The following TRPM7 variants were observed in gnomAD, a reference collection of about 807,000 sequenced individuals.
The protein encoded by TRPM7 is transient receptor potential cation channel subfamily M member 7.
In TRPM7, 134 loss-of-function variants were observed where a neutral mutation model predicts 229.7. That is an observed-to-expected ratio of 0.58 (90% CI 0.51 to 0.67). The LOEUF (loss-of-function observed/expected upper bound fraction) is 0.67. Among genes scored for constraint, TRPM7 ranks in the 30% least tolerant of loss-of-function variants. The pLI is 0.00. For synonymous variants in TRPM7, 699 were observed against 715.2 expected (o/e 0.98, Z 0.36); for missense variants, 1,901 against 2,210.0 (o/e 0.86, Z 2.80).
intron 1 of TRPM7, among the ~76,000 whole-genome samples, chr15:50,663,680 A>T (rs1214249673): frequency 1.3e-5 from 2 of 152,174 alleles, no homozygotes; most frequent in Non-Finnish European, 2.9e-5. Flanking sequence ...TTTAAAAGAC[A>T]ACTAGCTCGG....
At chr15:50,569,804 T>C (rs1390253534) in intron 38 of TRPM7, 83 bp downstream of exon 38, 20 of 782,062 alleles carry the variant, frequency 2.6e-5, no homozygotes, top group Admixed American at 3.0e-5. Flanking sequence ...ACATTAAACA[T>C]TTGTACCTCT....
chr15:50,566,513 T>C (rs1272743813), intron 38 of TRPM7, among the ~76,000 whole-genome samples: 1 of 152,010 alleles, frequency 6.6e-6, no homozygotes, highest in East Asian at 1.9e-4. Flanking sequence ...CTGGCCAACA[T>C]GGTGAAACCC....
Position 50,561,815 on chromosome 15 carries a change from T to C in TRPM7, c.5468-7A>G, listed in dbSNP as rs1237814491. 2.6e-6 allele frequency: 4 copies of C among 1,554,744 alleles called. No homozygotes were observed. The East Asian group carries it at 9.2e-5, about 36-fold the overall frequency. ...TAATCATTCCTCTTCAGATCTACAT[T>C]GAACACCCACAACAATTAAAAAAAA... is the stretch of plus-strand genomic sequence containing the variant. On this transcript the variant is annotated splice_region_variant and splice_polypyrimidine_tract_variant and intron_variant, in intron 38 of 38. Transcript: ENST00000646667.
chr15:50,661,596 C>A (rs2061726062), intron 2 of TRPM7, among the ~76,000 whole-genome samples: 1 of 152,000 alleles, frequency 6.6e-6, no homozygotes, highest in Admixed American at 6.6e-5. Context: ...TGCTATTCAA[C>A]AAATATTTAC....
intron 33 of TRPM7, 38 bp downstream of exon 33, chr15:50,575,686 A>G: frequency 6.4e-7 from 1 of 1,552,728 alleles, no homozygotes; most frequent in Non-Finnish European, 8.8e-7. Context: ...TTAAAGGGTT[A>G]ATTTTCACTT....
intron 1 of TRPM7, among the ~76,000 whole-genome samples, chr15:50,682,196 T>C (rs1182573670): frequency 3.4e-5 from 2 of 58,824 alleles, no homozygotes; most frequent in Admixed American, 1.7e-4. Flanking sequence ...AAAAAAGGAC[T>C]GTGACCTGGC....
chr15:50,634,853 T>A (rs1767223627), intron 7 of TRPM7, among the ~76,000 whole-genome samples: 1 of 152,220 alleles, frequency 6.6e-6, no homozygotes, highest in African/African-American at 2.4e-5. Flanking sequence ...ATATATTCAC[T>A]ACTTAAAAGT....
intron 2 of TRPM7, among the ~76,000 whole-genome samples, chr15:50,662,080 C>T (rs373413576): frequency 4.0e-5 from 6 of 151,786 alleles, no homozygotes; most frequent in Non-Finnish European, 7.4e-5. Flanking sequence ...TAGGGCTGGG[C>T]GCGGTGGCTC....
chr15:50,682,560 G>C (rs1454054631), intron 1 of TRPM7, among the ~76,000 whole-genome samples: 1 of 147,472 alleles, frequency 6.8e-6, no homozygotes, highest in Non-Finnish European at 1.5e-5. Flanking sequence ...TGGGCGACAA[G>C]AGGGAAACTC....
chr15:50,682,173 C>CAAAAA (rs34590459), intron 1 of TRPM7, among the ~76,000 whole-genome samples: 23 of 63,678 alleles, frequency 3.6e-4, no homozygotes, highest in African/African-American at 8.7e-4. Context: ...AACTCAGTCT[C>CAAAAA]AAAAAAAAAA....
rs201903794 is a variant in TRPM7 at position 50,662,981 on chromosome 15, G to C, written c.69C>G (p.Ser23=). The C allele has an allele frequency of 2.0e-4, 318 of 1,613,100 alleles. No homozygotes were observed. Among genetic ancestry groups the C allele is most frequent in the Admixed American group, 2.0e-4 (12 of 59,850 alleles). The change falls in exon 2 of 39, where the codon TCC becomes TCG. Residue 23 remains serine, a synonymous_variant. Transcript: ENST00000646667. ...GGTGTGCTTACCTGTGAGGGTCCTT[G>C]GAACTTGGTATAATATATACACATT... is the stretch of plus-strand genomic sequence containing the variant. ...KRECVYIIPS[S]KDPHRCLPGC...
intron 12 of TRPM7, among the ~76,000 whole-genome samples, chr15:50,623,096 T>C (rs998618181): frequency 1.3e-5 from 2 of 152,028 alleles, no homozygotes; most frequent in African/African-American, 4.8e-5. Flanking sequence ...ACTGTGAAAA[T>C]AGCAAATGCT....
chr15:50,609,560 T>C (rs2060009846), intron 19 of TRPM7, 21 bp downstream of exon 19: 2 of 1,592,918 alleles, frequency 1.3e-6, no homozygotes, highest in African/African-American at 1.4e-5. Context: ...AACATTATGC[T>C]TGTGTAATTT....
intron 7 of TRPM7, 94 bp from the exon 8 acceptor site, chr15:50,634,650 T>C (rs2060835836): frequency 1.1e-6 from 1 of 946,468 alleles, no homozygotes; most frequent in Non-Finnish European, 1.4e-6. Flanking sequence ...TACTCTAATT[T>C]TAGATTTTAC....
At chr15:50,624,100 T>A (rs2060493980) in intron 12 of TRPM7, 66 bp downstream of exon 12, 1 of 1,488,876 alleles carries the variant, frequency 6.7e-7, no homozygotes, top group African/African-American at 1.4e-5. Flanking sequence ...AATGGCTATA[T>A]TCAGGTAAAG....
At chr15:50,575,655 C>T (rs141637502) in intron 33 of TRPM7, 69 bp downstream of exon 33, 1 of 1,346,990 alleles carries the variant, frequency 7.4e-7, no homozygotes, top group East Asian at 2.4e-5. Flanking sequence ...CACCCACATT[C>T]TATATTATAG....
rs1452128729 is a variant in TRPM7, at chr15:50,560,574, G to A, written c.*1104C>T. On this transcript the variant is annotated 3_prime_UTR_variant, in exon 39 of 39. Coordinates refer to ENST00000646667, the MANE Select transcript of TRPM7 (RefSeq NM_017672.6). Reference sequence around the variant, plus strand: ...AAAAAAAATTAAAGCATAAAACTTAGATGAAAAGCTTTTCTTGTTATTGTT... The same window carrying A: ...AAAAAAAATTAAAGCATAAAACTTAAATGAAAAGCTTTTCTTGTTATTGTT... 6.6e-6 allele frequency: 1 copy of A among 152,312 alleles called. No homozygotes were observed. Among genetic ancestry groups the A allele is most frequent in the Non-Finnish European group, 1.5e-5 (1 of 67,940 alleles). 9.4% of individuals were successfully genotyped at this position (152,312 alleles called of 1,614,324 possible).
intron 1 of TRPM7, among the ~76,000 whole-genome samples, chr15:50,679,489 TTA>T (rs1323028704): frequency 3.4e-5 from 4 of 118,842 alleles, no homozygotes; most frequent in African/African-American, 6.8e-5. Flanking sequence ...TATATATATA[TTA>T]TATATATGTG....
At chr15:50,625,979 ACTCT>A (rs1340824134) in intron 11 of TRPM7, among the ~76,000 whole-genome samples, 3 of 152,016 alleles carry the variant, frequency 2.0e-5, no homozygotes, top group African/African-American at 7.3e-5. Flanking sequence ...GTTATTACTT[ACTCT>A]AACAGTAATA....
Sources: gnomAD v4.1 joint callset for allele counts (sites outside exome capture counted in the v4.1 genomes callset) on GRCh38, gnomAD v4.1.1 for gene constraint, MANE v1.5 for transcripts, NCBI Gene and HGNC (gene_info 2026-07-23, HGNC 2026-07-21) for gene names.